The following LPA variants were observed in gnomAD, a reference collection of about 807,000 sequenced individuals.
The protein encoded by LPA is lipoprotein(a), also known as apolipoprotein(a).
LPA carries 199 observed loss-of-function variants against 197.9 expected under a neutral mutation model. That is an observed-to-expected ratio of 1.01 (90% confidence interval 0.90 to 1.13). The LOEUF (loss-of-function observed/expected upper bound fraction) is 1.13, where lower values mean the gene tolerates loss of function less well. LPA is among the 50% of genes most tolerant of loss of function. LPA has a pLI of 0.00. For missense variants in LPA, 1,853 were observed against 1,785.8 expected, an observed-to-expected ratio of 1.04 and a Z score of -0.68; for synonymous variants, 715 against 639.5, an observed-to-expected ratio of 1.12 and a Z score of -1.78.
chr6:160,599,637 C>T lies in LPA; in HGVS notation c.3150G>A (p.Gly1050=), dbSNP rs771127354. ...FEQALTEETP[G]VQDCYYHYGQ... Reference sequence around the variant, plus strand: ...CATAATGGTAGTAGCAGTCCTGTACCCCGGGGGTTTCCTCAGTCAGTGCTG... The same window carrying T: ...CATAATGGTAGTAGCAGTCCTGTACTCCGGGGGTTTCCTCAGTCAGTGCTG... Residue 1050 remains glycine, a synonymous_variant, in exon 20 of 39, where the codon GGG becomes GGA. Transcript: ENST00000316300. 10 of 1,613,896 alleles carry T rather than the reference C, an allele frequency of 6.2e-6. No homozygotes were observed. The highest frequency in any genetic ancestry group is 1.7e-5 in the Admixed American group (1 of 59,988).
chr6:160,647,571 T>G (rs1779920263), intron 2 of LPA, among the ~76,000 whole-genome samples: 1 of 152,162 alleles, frequency 6.6e-6, no homozygotes, highest in Admixed American at 6.5e-5. Context: ...TTCCTTGGCT[T>G]CCCTCTTTTG....
At chr6:160,576,690 GTATATA>G (rs71033585) in intron 28 of LPA, among the ~76,000 whole-genome samples, 11 of 76,680 alleles carry the variant, frequency 1.4e-4, no homozygotes, top group South Asian at 4.4e-4. Flanking sequence ...GTGTGTGTGT[GTATATA>G]TATATATATA....
intron 26 of LPA, among the ~76,000 whole-genome samples, chr6:160,582,733 T>C (rs760483948): frequency 3.1e-4 from 47 of 152,166 alleles, no homozygotes; most frequent in Admixed American, 7.9e-4. Flanking sequence ...AGTTTATCAT[T>C]TTTTCCATAT....
At chr6:160,634,907 T>A (rs925831351) in intron 7 of LPA, among the ~76,000 whole-genome samples, 3 of 150,068 alleles carry the variant, frequency 2.0e-5, no homozygotes, top group East Asian at 3.8e-4. Context: ...CCCTGGAAGG[T>A]TTGTGCCCAT....
At chr6:160,580,945 A>ACATT (rs1778782770) in intron 26 of LPA, among the ~76,000 whole-genome samples, 4 of 152,068 alleles carry the variant, frequency 2.6e-5, no homozygotes, top group Non-Finnish European at 4.4e-5. Flanking sequence ...TTTCTTTTAC[A>ACATT]GTTAGTGTTT....
intron 32 of LPA, among the ~76,000 whole-genome samples, chr6:160,545,885 G>T (rs1583569321): frequency 6.6e-6 from 1 of 151,948 alleles, no homozygotes; most frequent in African/African-American, 2.4e-5. Flanking sequence ...GGCGCTGAGG[G>T]GTCTTCTACC....
Position 160,595,484 on chromosome 6 carries a change from C to A in LPA, c.3339G>T (p.Trp1113Cys), listed in dbSNP as rs760005750. 16 of 1,613,756 alleles carry A rather than the reference C, an allele frequency of 9.9e-6. No individual in the cohort carries two copies. Among genetic ancestry groups the A allele is most frequent in the African/African-American group, 1.3e-5 (1 of 74,860 alleles). Residue 1113 changes from tryptophan (W) to cysteine (C), a missense_variant, in exon 21 of 39, where the codon TGG becomes TGT. Transcript: ENST00000316300. ...TGACACTGGGATCCATGGTGTAACACCAAGGGCGAATCTCAGCATCTGGAT... is the reference window on the plus strand; with the variant it reads ...TGACACTGGGATCCATGGTGTAACAACAAGGGCGAATCTCAGCATCTGGAT... ...CRNPDAEIRPWCYTMDPSVRW... is the reference protein window; with the variant it reads ...CRNPDAEIRPCCYTMDPSVRW...
chr6:160,646,683 A>G (rs1562351025), intron 2 of LPA, among the ~76,000 whole-genome samples: 4 of 134,854 alleles, frequency 3.0e-5, no homozygotes, highest in Non-Finnish European at 6.2e-5. Flanking sequence ...AAAAACGATC[A>G]GAGTATTCTC....
At chr6:160,581,020 C>A (rs924668374) in intron 26 of LPA, among the ~76,000 whole-genome samples, 1 of 151,380 alleles carries the variant, frequency 6.6e-6, no homozygotes, top group African/African-American at 2.4e-5. Context: ...TTTTTCATAG[C>A]AGTCTTATAT....
chr6:160,558,282 A>C (rs1251773582), intron 28 of LPA, among the ~76,000 whole-genome samples: 1 of 152,058 alleles, frequency 6.6e-6, no homozygotes, highest in Non-Finnish European at 1.5e-5. Flanking sequence ...GTCTCTCTCT[A>C]GGACTCTGCA....
At chr6:160,641,043 G>T (rs1171230921) in intron 4 of LPA, among the ~76,000 whole-genome samples, 195 bp from the exon 5 acceptor site, 2 of 139,012 alleles carry the variant, frequency 1.4e-5, no homozygotes, top group Non-Finnish European at 3.1e-5. Context: ...ATACTTAATA[G>T]ATTATTACTA....
At chr6:160,583,624 C>T (rs1397731555) in intron 26 of LPA, among the ~76,000 whole-genome samples, 2 of 152,168 alleles carry the variant, frequency 1.3e-5, no homozygotes, top group East Asian at 3.9e-4. Context: ...TCCTTTCTCT[C>T]TGGAAACTCT....
intron 28 of LPA, 136 bp downstream of exon 28, chr6:160,576,999 GC>G: frequency 1.0e-6 from 1 of 998,218 alleles, no homozygotes; most frequent in Admixed American, 1.9e-5. Flanking sequence ...TTGCTCAAAA[GC>G]AAAGGTCCTG....
intron 1 of LPA, among the ~76,000 whole-genome samples, chr6:160,659,145 G>T (rs1028055847): frequency 6.6e-6 from 1 of 152,144 alleles, no homozygotes; most frequent in African/African-American, 2.4e-5. Flanking sequence ...GATGTAGGCT[G>T]GGAGGCTAAG....
At chr6:160,650,624 GCAGA>G (rs1779988189) in intron 1 of LPA, 127 bp from the exon 2 acceptor site, 1 of 859,436 alleles carries the variant, frequency 1.2e-6, no homozygotes, top group Non-Finnish European at 1.9e-6. Context: ...TGATTAGCAG[GCAGA>G]CAGACGTGCA....
At position 160,653,936 on chromosome 6, in the gene LPA, A is replaced by ATCC. The variant is rs1780050438; in HGVS notation, c.50-3440_50-3439insGGA. 7.2e-5 allele frequency among the ~76,000 whole-genome samples: 4 copies of ATCC among 55,592 alleles called. 1 individual carries two copies. In the South Asian group the frequency reaches 2.0e-3, roughly 28 times the overall value. 36.5% of individuals were successfully genotyped at this position (55,592 alleles called of 152,430 possible). ...GGGACAGAACTAATAGGATATATAT[A>ATCC]TATTTTATATATATTATATATAATA... On this transcript the variant is annotated intron_variant, in intron 1 of 38. Coordinates refer to ENST00000316300, the MANE Select transcript of LPA (RefSeq NM_005577.4).
intron 26 of LPA, among the ~76,000 whole-genome samples, chr6:160,584,204 TTCTTCTTCTTCTTCTTCTTC>T: frequency 1.6e-5 from 2 of 123,274 alleles, no homozygotes; most frequent in Non-Finnish European, 3.3e-5. Flanking sequence ...CTTCTTCTTC[TTCTTCTTCTTCTTCTTCTTC>T]TTCTTCTTCT....
At chr6:160,557,260 T>C in intron 29 of LPA, 130 bp downstream of exon 29, 4 of 1,136,580 alleles carry the variant, frequency 3.5e-6, no homozygotes, top group East Asian at 2.4e-5. Context: ...GAGAGAGTGC[T>C]GAGGCTTCTT....
chr6:160,576,841 C>A (rs1286367116), intron 28 of LPA, among the ~76,000 whole-genome samples: 1 of 151,362 alleles, frequency 6.6e-6, no homozygotes, highest in African/African-American at 2.4e-5. Context: ...TTTTAGTGGG[C>A]ATTGTGGAAT....
Sources: allele counts gnomAD v4.1 joint callset (sites outside exome capture counted in the v4.1 genomes callset), GRCh38; gene constraint gnomAD v4.1.1; transcripts MANE v1.5; gene names NCBI Gene and HGNC (gene_info 2026-07-23, HGNC 2026-07-21).